The following CSMD1 variants were observed in gnomAD, a reference collection of about 807,000 sequenced individuals.
CSMD1 encodes CUB and Sushi multiple domains 1.
CSMD1 carries 213 observed loss-of-function variants against 417.5 expected under a neutral mutation model. That is an observed-to-expected ratio of 0.51 (90% CI 0.46 to 0.57). CSMD1 has a LOEUF of 0.57. CSMD1 is among the 20% of genes least tolerant of loss of function. The probability of loss-of-function intolerance (pLI) is 0.00; values close to 1 mark genes in which losing one functional copy is unlikely to be tolerated. For synonymous variants in CSMD1, 2,862 were observed against 1,736.8 expected, an observed-to-expected ratio of 1.65 and a Z score of -16.11; for missense variants, 6,923 against 4,529.7, an observed-to-expected ratio of 1.53 and a Z score of -15.17.
At chr8:4,454,246 T>C (rs910173944) in intron 2 of CSMD1, among the ~76,000 whole-genome samples, 2 of 152,154 alleles carry the variant, frequency 1.3e-5, no homozygotes, top group African/African-American at 4.8e-5. Context: ...CTCCTTACAG[T>C]GCTTACCGCC....
At chr8:4,125,498 A>C (rs757223138) in intron 3 of CSMD1, among the ~76,000 whole-genome samples, 5 of 152,334 alleles carry the variant, frequency 3.3e-5, no homozygotes, top group Non-Finnish European at 5.9e-5. Context: ...CGCACTGGGT[A>C]CACGTCGGCC....
chr8:3,902,346 T>C (rs1563193970), intron 5 of CSMD1, among the ~76,000 whole-genome samples: 1 of 152,222 alleles, frequency 6.6e-6, no homozygotes, highest in Non-Finnish European at 1.5e-5. Context: ...TTTCAAATCT[T>C]GGCTTTTCTG....
intron 30 of CSMD1, among the ~76,000 whole-genome samples, chr8:3,211,767 T>G (rs1441860437): frequency 1.3e-5 from 2 of 152,166 alleles, no homozygotes; most frequent in Non-Finnish European, 2.9e-5. Flanking sequence ...CCATGCCTCG[T>G]CCAGAAGGGA....
intron 5 of CSMD1, among the ~76,000 whole-genome samples, chr8:3,819,533 TACAC>T (rs10566509): frequency 0.1 from 8,328 of 82,346 alleles, 253 homozygotes; most frequent in African/African-American, 0.12. Context: ...AGGTGATTTC[TACAC>T]ACACACACAC....
intron 50 of CSMD1, among the ~76,000 whole-genome samples, chr8:3,045,221 C>CAT (rs1282611718): frequency 6.6e-6 from 1 of 152,124 alleles, no homozygotes; most frequent in Non-Finnish European, 1.5e-5. Context: ...TGTTACTGAA[C>CAT]ATATCATAGT....
chr8:4,281,097 G>A (rs1175646576), intron 3 of CSMD1, among the ~76,000 whole-genome samples: 1 of 152,192 alleles, frequency 6.6e-6, no homozygotes, highest in Non-Finnish European at 1.5e-5. Flanking sequence ...AGGTGTACCA[G>A]GATGGTATGA....
chr8:3,163,952 G>C (rs1487688201), intron 37 of CSMD1, among the ~76,000 whole-genome samples: 1 of 152,176 alleles, frequency 6.6e-6, no homozygotes, highest in Admixed American at 6.5e-5. Context: ...GATCTCTCAT[G>C]CGTGTTGAGC....
At chr8:4,423,665 C>G (rs922978754) in intron 2 of CSMD1, among the ~76,000 whole-genome samples, 2 of 151,800 alleles carry the variant, frequency 1.3e-5, no homozygotes, top group African/African-American at 2.4e-5. Context: ...CAATTTCCAC[C>G]AAAATCCCAG....
chr8:3,719,287 C>A (rs1272112925), intron 6 of CSMD1, among the ~76,000 whole-genome samples: 1 of 152,102 alleles, frequency 6.6e-6, no homozygotes, highest in Non-Finnish European at 1.5e-5. Flanking sequence ...GCAAAAAGGC[C>A]ACTGCCCTAG....
At chr8:3,504,065 G>A (rs750842749) in intron 10 of CSMD1, among the ~76,000 whole-genome samples, 5 of 152,030 alleles carry the variant, frequency 3.3e-5, no homozygotes, top group East Asian at 1.9e-4. Context: ...AATTTGCTGT[G>A]TATTTCAAAA....
At chr8:4,107,153 T>C (rs189075369) in intron 3 of CSMD1, among the ~76,000 whole-genome samples, 2 of 152,174 alleles carry the variant, frequency 1.3e-5, no homozygotes, top group East Asian at 3.9e-4. Flanking sequence ...CTACACACAA[T>C]TCCAGTCAAC....
intron 18 of CSMD1, among the ~76,000 whole-genome samples, chr8:3,370,652 A>G (rs1050901027): frequency 6.6e-6 from 1 of 152,188 alleles, no homozygotes; most frequent in Non-Finnish European, 1.5e-5. Flanking sequence ...GGCATCATTC[A>G]ATCTGCTGAG....
chr8:3,887,657 G>C, intron 5 of CSMD1, among the ~76,000 whole-genome samples: 1 of 152,206 alleles, frequency 6.6e-6, no homozygotes, highest in East Asian at 1.9e-4. Flanking sequence ...CACACCTAGA[G>C]TTAAGAGACA....
intron 54 of CSMD1, among the ~76,000 whole-genome samples, chr8:2,990,940 C>T (rs1027268641): frequency 6.6e-6 from 1 of 152,210 alleles, no homozygotes; most frequent in African/African-American, 2.4e-5. Context: ...CTTCATTCAC[C>T]GCCTTTCCCA....
chr8:4,904,925 C>G (rs899858769), intron 1 of CSMD1, among the ~76,000 whole-genome samples: 13 of 152,142 alleles, frequency 8.5e-5, no homozygotes, highest in African/African-American at 2.9e-4. Flanking sequence ...CTGTAGAATA[C>G]TGTCCAGGGC....
intron 4 of CSMD1, among the ~76,000 whole-genome samples, chr8:4,020,931 A>C (rs1796757826): frequency 6.6e-6 from 1 of 152,234 alleles, no homozygotes; most frequent in African/African-American, 2.4e-5. Context: ...TAAAGGGAAG[A>C]ATTTCCAACA....
intron 1 of CSMD1, among the ~76,000 whole-genome samples, chr8:4,913,892 G>C (rs147387980): frequency 1.2e-3 from 179 of 152,258 alleles, no homozygotes; most frequent in South Asian, 1.7e-3. Flanking sequence ...CCCGATTACT[G>C]TGCATCCTTC....
At chr8:3,775,208 G>A (rs562859771) in intron 5 of CSMD1, among the ~76,000 whole-genome samples, 1 of 152,222 alleles carries the variant, frequency 6.6e-6, no homozygotes, top group African/African-American at 2.4e-5. Context: ...ATTTTGAAAG[G>A]TTTAGATAAA....
At chr8:4,172,497 A>T (rs911949937) in intron 3 of CSMD1, among the ~76,000 whole-genome samples, 1 of 152,142 alleles carries the variant, frequency 6.6e-6, no homozygotes, top group Non-Finnish European at 1.5e-5. Flanking sequence ...TTAAAAAAAA[A>T]AACTGAAGGA....
Sources: gnomAD v4.1 joint callset for allele counts (sites outside exome capture counted in the v4.1 genomes callset) on GRCh38, gnomAD v4.1.1 for gene constraint, MANE v1.5 for transcripts, NCBI Gene and HGNC (gene_info 2026-07-23, HGNC 2026-07-21) for gene names.